KCND2: variants seen among roughly 807,000 people sequenced by gnomAD.
KCND2 encodes potassium voltage-gated channel subfamily D member 2.
In KCND2, 16 loss-of-function variants were observed where a neutral mutation model predicts 54.4. The observed-to-expected ratio is 0.29, with a 90% CI of 0.20 to 0.45. KCND2 has a LOEUF of 0.45. KCND2 is among the 20% of genes least tolerant of loss of function. KCND2 has a pLI of 1.00. For missense variants in KCND2, 486 were observed against 824.2 expected (o/e 0.59, Z 5.02); for synonymous variants, 317 against 310.7 (o/e 1.02, Z -0.21).
At chr7:120,376,852 A>G (rs1800841055) in intron 1 of KCND2, among the ~76,000 whole-genome samples, 1 of 151,788 alleles carries the variant, frequency 6.6e-6, no homozygotes, top group Non-Finnish European at 1.5e-5. Flanking sequence ...CATTCACACA[A>G]CTCACTAAAT....
At chr7:120,728,924 A>G (rs1032226211) in intron 1 of KCND2, among the ~76,000 whole-genome samples, 3 of 152,230 alleles carry the variant, frequency 2.0e-5, no homozygotes, top group Admixed American at 6.5e-5. Flanking sequence ...TGCCTAGGAT[A>G]TAAATAATCA....
intron 2 of KCND2, among the ~76,000 whole-genome samples, chr7:120,733,460 A>G (rs554910893): frequency 4.9e-4 from 74 of 152,274 alleles, no homozygotes; most frequent in South Asian, 1.0e-3. Flanking sequence ...CAAAGTGGGC[A>G]GGAAAATACA....
intron 1 of KCND2, among the ~76,000 whole-genome samples, chr7:120,393,100 C>T (rs1159090632): frequency 6.6e-6 from 1 of 152,004 alleles, no homozygotes; most frequent in Non-Finnish European, 1.5e-5. Context: ...GTTTTCTAAA[C>T]TGTCCAAAAT....
intron 1 of KCND2, among the ~76,000 whole-genome samples, chr7:120,635,232 A>G (rs1793289332): frequency 6.6e-6 from 1 of 152,214 alleles, no homozygotes. Context: ...ATCCATAAAT[A>G]TATTGATATT....
chr7:120,596,716 G>C (rs530071626), intron 1 of KCND2, among the ~76,000 whole-genome samples: 1 of 133,618 alleles, frequency 7.5e-6, no homozygotes, highest in Admixed American at 8.3e-5. Flanking sequence ...ATCACATCCT[G>C]TTACGGTTAC....
chr7:120,394,439 C>T (rs750633037), intron 1 of KCND2, among the ~76,000 whole-genome samples: 7 of 151,876 alleles, frequency 4.6e-5, no homozygotes, highest in Non-Finnish European at 1.0e-4. Context: ...AGTGATGTTA[C>T]CTATAGGAGC....
chr7:120,681,479 G>T (rs1792139043), intron 1 of KCND2, among the ~76,000 whole-genome samples: 1 of 151,850 alleles, frequency 6.6e-6, no homozygotes, highest in African/African-American at 2.4e-5. Flanking sequence ...CCAACATCTG[G>T]TGACATTTCT....
chr7:120,331,872 A>G (rs2116348733), intron 1 of KCND2, among the ~76,000 whole-genome samples: 1 of 152,034 alleles, frequency 6.6e-6, no homozygotes, highest in Non-Finnish European at 1.5e-5. Flanking sequence ...AAATACCTTC[A>G]TTTTATCCCA....
intron 1 of KCND2, among the ~76,000 whole-genome samples, chr7:120,341,252 T>G (rs1322719604): frequency 6.6e-6 from 1 of 152,126 alleles, no homozygotes; most frequent in Non-Finnish European, 1.5e-5. Flanking sequence ...TTCTCCAAGA[T>G]AGTGGAGAGT....
At position 120,482,724 on chromosome 7, in the gene KCND2, C is replaced by T. The variant is rs538752102; in HGVS notation, c.1115+206977C>T. On this transcript the variant is annotated intron_variant, in intron 1 of 5. Coordinates refer to ENST00000331113, the MANE Select transcript of KCND2 (RefSeq NM_012281.3). ...AGATGCTGGCACCATGCTCTTGGATCTCTCAGCTTCCATAACTGTGAGCCT... is the reference window on the plus strand; with the variant it reads ...AGATGCTGGCACCATGCTCTTGGATTTCTCAGCTTCCATAACTGTGAGCCT... Among the ~76,000 whole-genome samples the T allele has an allele frequency of 2.6e-5, 4 of 152,250 alleles. No individual in the cohort carries two copies. The East Asian group carries it at 7.7e-4, about 29-fold the overall frequency.
intron 1 of KCND2, among the ~76,000 whole-genome samples, chr7:120,484,682 A>G (rs887253743): frequency 9.5e-5 from 14 of 146,852 alleles, no homozygotes; most frequent in African/African-American, 3.4e-4. Context: ...CTTAAGATTC[A>G]GGCTTATATA....
rs775906196 is a variant in KCND2 at position 120,275,448 on chromosome 7, T to G, written c.816T>G (p.Pro272=). 1 of 1,613,776 alleles carries G rather than the reference T, an allele frequency of 6.2e-7. No individual in the cohort carries two copies. The highest frequency in any genetic ancestry group is 8.5e-7 in the Non-Finnish European group (1 of 1,179,944). Residue 272 remains proline (P), a synonymous_variant, in exon 1 of 6, where the codon CCT becomes CCG. Transcript: ENST00000331113. ...MSIIDVVAIL[P]YYIGLVMTDN... ...TCATCGACGTGGTGGCCATCCTGCC[T>G]TATTACATTGGGCTGGTGATGACAG...
intron 1 of KCND2, among the ~76,000 whole-genome samples, chr7:120,309,941 G>C (rs894255840): frequency 2.6e-5 from 4 of 152,098 alleles, no homozygotes; most frequent in Non-Finnish European, 5.9e-5. Flanking sequence ...GTTCCTTCTA[G>C]CTTTTACTCT....
chr7:120,637,219 T>A (rs907549112), intron 1 of KCND2, among the ~76,000 whole-genome samples: 7 of 152,138 alleles, frequency 4.6e-5, no homozygotes, highest in African/African-American at 1.7e-4. Flanking sequence ...AATCTAGGAA[T>A]ATTTTTTCAA....
chr7:120,395,656 G>A (rs1801143903), intron 1 of KCND2, among the ~76,000 whole-genome samples: 1 of 152,016 alleles, frequency 6.6e-6, no homozygotes, highest in Non-Finnish European at 1.5e-5. Context: ...TGCTAAGTAA[G>A]AGGCAGATTA....
chr7:120,325,639 C>T (rs1038225494), intron 1 of KCND2, among the ~76,000 whole-genome samples: 5 of 151,932 alleles, frequency 3.3e-5, no homozygotes, highest in African/African-American at 1.2e-4. Flanking sequence ...CCTTGCATCC[C>T]AGGGATGAAG....
At chr7:120,416,777 CAAAA>C (rs200783464) in intron 1 of KCND2, among the ~76,000 whole-genome samples, 19 of 112,356 alleles carry the variant, frequency 1.7e-4, no homozygotes, top group Non-Finnish European at 3.1e-4. Flanking sequence ...CATAGACTAG[CAAAA>C]AAAAAAAAAA....
intron 1 of KCND2, among the ~76,000 whole-genome samples, chr7:120,370,218 G>C (rs1800746740): frequency 6.6e-6 from 1 of 151,962 alleles, no homozygotes. Context: ...AAACTGAGCA[G>C]GGAGAATAGC....
intron 1 of KCND2, among the ~76,000 whole-genome samples, chr7:120,434,902 A>G (rs962869985): frequency 6.6e-6 from 1 of 152,062 alleles, no homozygotes; most frequent in Non-Finnish European, 1.5e-5. Flanking sequence ...ATCATTGTCC[A>G]TTAGTAGATG....
Sources: gnomAD v4.1 joint callset for allele counts (sites outside exome capture counted in the v4.1 genomes callset) on GRCh38, gnomAD v4.1.1 for gene constraint, MANE v1.5 for transcripts, NCBI Gene and HGNC (gene_info 2026-07-23, HGNC 2026-07-21) for gene names.